The following CD38 variants were observed in gnomAD, a reference collection of about 807,000 sequenced individuals.
The protein encoded by CD38 is CD38 molecule.
CD38 carries 31 observed loss-of-function variants against 36.3 expected under a neutral mutation model. The observed-to-expected ratio is 0.85, with a 90% CI of 0.64 to 1.15. The LOEUF (loss-of-function observed/expected upper bound fraction) is 1.15. Ranked by LOEUF, CD38 falls within the 50% of genes most tolerant of loss-of-function variation. The pLI is 0.00. For synonymous variants in CD38, 131 were observed against 135.2 expected (o/e 0.97, Z 0.22); for missense variants, 380 against 371.9 (o/e 1.02, Z -0.18).
intron 1 of CD38, among the ~76,000 whole-genome samples, chr4:15,786,061 G>C (rs6449186): frequency 0.43 from 65,119 of 152,034 alleles, 16,061 homozygotes; most frequent in African/African-American, 0.69. Flanking sequence ...GTCTCACTGT[G>C]CTCAGGAGTT....
rs1036522197 is a variant in CD38, at chr4:15,851,148, G to T, written c.*2546G>T. The T allele has an allele frequency of 1.4e-4, 21 of 152,314 alleles. No homozygotes were observed. The highest frequency in any genetic ancestry group is 4.6e-4 in the African/African-American group (19 of 41,440). The allele number at this position is 152,314 out of a possible 1,614,324, so 9.4% of individuals were successfully genotyped here. A position where few individuals can be genotyped will look rare whatever the true frequency, so the allele number is the denominator to read the frequency against. On this transcript the variant is annotated 3_prime_UTR_variant, in exon 8 of 8. Coordinates refer to ENST00000226279, the MANE Select transcript of CD38 (RefSeq NM_001775.4). Reference sequence around the variant, plus strand: ...AGCCACAGAGGTGGTGAGGGGCTGGGTGCTCTTTTCTCCGTGCATGACCTT... The same window carrying T: ...AGCCACAGAGGTGGTGAGGGGCTGGTTGCTCTTTTCTCCGTGCATGACCTT...
intron 3 of CD38, 92 bp downstream of exon 3, chr4:15,825,108 C>A: frequency 7.6e-7 from 1 of 1,309,700 alleles, no homozygotes; most frequent in Non-Finnish European, 1.1e-6. Context: ...GTGTGGAGGA[C>A]AGAGCCACAG....
chr4:15,840,191 C>A, intron 6 of CD38, 73 bp downstream of exon 6: 1 of 1,063,702 alleles, frequency 9.4e-7, no homozygotes, highest in Non-Finnish European at 1.5e-6. Context: ...GTCACAAGCA[C>A]GCACTGGGAA....
At chr4:15,780,280 A>AG (rs1341583482) in intron 1 of CD38, among the ~76,000 whole-genome samples, 1 of 152,178 alleles carries the variant, frequency 6.6e-6, no homozygotes, top group Non-Finnish European at 1.5e-5. Flanking sequence ...AGTCTATCAG[A>AG]GGGGATGCTT....
At chr4:15,792,479 A>C (rs1723026265) in intron 1 of CD38, among the ~76,000 whole-genome samples, 1 of 151,590 alleles carries the variant, frequency 6.6e-6, no homozygotes, top group East Asian at 1.9e-4. Flanking sequence ...AAAAGAAAAG[A>C]AAAGCAGCAA....
chr4:15,806,209 C>A (rs1184300946), intron 1 of CD38, among the ~76,000 whole-genome samples: 3 of 152,194 alleles, frequency 2.0e-5, no homozygotes, highest in Non-Finnish European at 4.4e-5. Context: ...TTATCTGACT[C>A]ACTTTACCCC....
intron 1 of CD38, among the ~76,000 whole-genome samples, chr4:15,784,032 T>A (rs911869484): frequency 6.6e-6 from 1 of 151,910 alleles, no homozygotes; most frequent in South Asian, 2.1e-4. Flanking sequence ...CAGTGGGAGG[T>A]ATGCGGAGGA....
chr4:15,822,689 C>T (rs1320200143), intron 2 of CD38, among the ~76,000 whole-genome samples: 2 of 152,102 alleles, frequency 1.3e-5, no homozygotes, highest in Admixed American at 1.3e-4. Flanking sequence ...AGAAAGGACA[C>T]AAACAAATAG....
chr4:15,782,077 CTG>C (rs1224740839), intron 1 of CD38, among the ~76,000 whole-genome samples: 2 of 152,204 alleles, frequency 1.3e-5, no homozygotes, highest in African/African-American at 4.8e-5. Flanking sequence ...CCCTTCCTCT[CTG>C]TGTTGCCACA....
chr4:15,790,351 T>A (rs1455021808), intron 1 of CD38, among the ~76,000 whole-genome samples: 1 of 152,142 alleles, frequency 6.6e-6, no homozygotes, highest in African/African-American at 2.4e-5. Flanking sequence ...TTTCGTTTTT[T>A]TTTTTTGGTG....
At chr4:15,834,449 T>A (rs2286552) in intron 4 of CD38, 147 bp downstream of exon 4, 3 of 614,602 alleles carry the variant, frequency 4.9e-6, no homozygotes, top group Non-Finnish European at 8.7e-6. Context: ...AAGGTTCAGA[T>A]GCACATGCCA....
At chr4:15,831,485 C>A (rs1374535236) in intron 3 of CD38, among the ~76,000 whole-genome samples, 1 of 152,122 alleles carries the variant, frequency 6.6e-6, no homozygotes, top group Admixed American at 6.5e-5. Flanking sequence ...AAATCCCTCA[C>A]CTTTTGTTTG....
chr4:15,780,084 A>G (rs1391378214), intron 1 of CD38, among the ~76,000 whole-genome samples: 1 of 152,258 alleles, frequency 6.6e-6, no homozygotes, highest in Non-Finnish European at 1.5e-5. Flanking sequence ...GAGAAACATG[A>G]TGCAATGAAA....
At chr4:15,815,288 T>C (rs949037486) in intron 1 of CD38, among the ~76,000 whole-genome samples, 2 of 152,246 alleles carry the variant, frequency 1.3e-5, no homozygotes, top group African/African-American at 4.8e-5. Flanking sequence ...AAGTAGTTTT[T>C]TTCTAATTCT....
intron 3 of CD38, among the ~76,000 whole-genome samples, chr4:15,831,908 C>T (rs572836743): frequency 2.6e-5 from 4 of 152,256 alleles, no homozygotes; most frequent in South Asian, 2.1e-4. Context: ...TCCTCTTTGA[C>T]ACCAATAACT....
intron 7 of CD38, among the ~76,000 whole-genome samples, chr4:15,847,828 C>T (rs1724296670): frequency 6.6e-6 from 1 of 152,178 alleles, no homozygotes; most frequent in Admixed American, 6.5e-5. Context: ...CAACTCCCCT[C>T]ATTTGTGTCT....
chr4:15,848,363 G>T (rs3796863), intron 7 of CD38, among the ~76,000 whole-genome samples, 176 bp from the exon 8 acceptor site: 61,064 of 151,818 alleles, frequency 0.4, 14,124 homozygotes, highest in African/African-American at 0.65. Flanking sequence ...TTTTTGACCA[G>T]CAGGTGGCAT....
intron 3 of CD38, chr4:15,825,321 C>T: frequency 3.1e-6 from 1 of 323,230 alleles, no homozygotes; most frequent in Non-Finnish European, 5.8e-6. Flanking sequence ...GGGGAGCTGG[C>T]ATTTACAGAG....
chr4:15,808,637 C>G (rs1723395660), intron 1 of CD38, among the ~76,000 whole-genome samples: 1 of 152,194 alleles, frequency 6.6e-6, no homozygotes, highest in Non-Finnish European at 1.5e-5. Context: ...GGGGTGATTT[C>G]TCCTAGTGTT....
Sources: allele counts gnomAD v4.1 joint callset (sites outside exome capture counted in the v4.1 genomes callset), GRCh38; gene constraint gnomAD v4.1.1; transcripts MANE v1.5; gene names NCBI Gene and HGNC (gene_info 2026-07-23, HGNC 2026-07-21).